The following XKR6 variants were observed in gnomAD, a reference collection of about 807,000 sequenced individuals.
XKR6 encodes XK related 6.
A neutral mutation model predicts 56.7 loss-of-function variants in XKR6; 22 were observed. The ratio of observed to expected loss-of-function variants is 0.39; its 90% CI spans 0.28 to 0.55. The LOEUF (loss-of-function observed/expected upper bound fraction) is 0.55, where lower values mean the gene tolerates loss of function less well. XKR6 is among the 20% of genes least tolerant of loss of function. The probability of loss-of-function intolerance (pLI) is 0.66; values close to 1 mark genes in which losing one functional copy is unlikely to be tolerated. For missense variants in XKR6, 852 were observed against 889.0 expected (o/e 0.96, Z 0.53); for synonymous variants, 524 against 387.8 (o/e 1.35, Z -4.13).
intron 1 of XKR6, among the ~76,000 whole-genome samples, chr8:11,037,464 A>T (rs141757338): frequency 1.2e-3 from 182 of 152,266 alleles, no homozygotes; most frequent in African/African-American, 4.2e-3. Flanking sequence ...GGATCTAGCG[A>T]TCCACCCACC....
At chr8:11,128,768 C>T (rs760165169) in intron 1 of XKR6, 259 of 446,448 alleles carry the variant, frequency 5.8e-4, no homozygotes, top group Non-Finnish European at 1.0e-3. Context: ...CTTTCCCTCA[C>T]ATCCATTATG....
At chr8:11,179,168 A>G (rs1802838093) in intron 1 of XKR6, among the ~76,000 whole-genome samples, 1 of 151,768 alleles carries the variant, frequency 6.6e-6, no homozygotes, top group African/African-American at 2.4e-5. Flanking sequence ...TCTTCTTTTA[A>G]TTCATTTTGA....
At chr8:10,930,578 T>C (rs991020993) in intron 1 of XKR6, among the ~76,000 whole-genome samples, 1 of 152,106 alleles carries the variant, frequency 6.6e-6, no homozygotes, top group African/African-American at 2.4e-5. Context: ...AATCCAGTAA[T>C]ATATGGAAAG....
chr8:10,926,540 A>T (rs1432328196), intron 1 of XKR6, among the ~76,000 whole-genome samples: 2 of 152,190 alleles, frequency 1.3e-5, no homozygotes, highest in South Asian at 2.1e-4. Context: ...TGACAACCAG[A>T]GTGAGGCTGG....
chr8:11,158,203 A>C (rs142823276), intron 1 of XKR6, among the ~76,000 whole-genome samples: 2 of 152,334 alleles, frequency 1.3e-5, no homozygotes, highest in East Asian at 3.9e-4. Flanking sequence ...GGGGAAATAC[A>C]GTGTGCAATG....
intron 1 of XKR6, among the ~76,000 whole-genome samples, chr8:11,112,722 T>C (rs982301075): frequency 3.3e-5 from 5 of 152,166 alleles, no homozygotes; most frequent in African/African-American, 1.2e-4. Context: ...GAAGCAGAAA[T>C]TATTAAGAGC....
chr8:11,051,005 G>T (rs368957253), intron 1 of XKR6, among the ~76,000 whole-genome samples: 1 of 152,038 alleles, frequency 6.6e-6, no homozygotes, highest in Non-Finnish European at 1.5e-5. Flanking sequence ...GGAGCAGAAC[G>T]TCTCAAAGAA....
At chr8:11,137,303 A>C (rs1420948107) in intron 1 of XKR6, 1 of 266,072 alleles carries the variant, frequency 3.8e-6, no homozygotes, top group Non-Finnish European at 7.3e-6. Flanking sequence ...TTTATTCAAG[A>C]AACCAATACA....
intron 1 of XKR6, among the ~76,000 whole-genome samples, chr8:11,193,731 G>T (rs1052568505): frequency 8.4e-5 from 10 of 119,640 alleles, no homozygotes; most frequent in African/African-American, 3.2e-4. Context: ...GTAATTTTAA[G>T]GTTCTGACCC....
At chr8:10,993,189 T>C (rs1448775184) in intron 1 of XKR6, among the ~76,000 whole-genome samples, 1 of 152,256 alleles carries the variant, frequency 6.6e-6, no homozygotes, top group African/African-American at 2.4e-5. Context: ...ACGCCACTTT[T>C]TGGCTGGTAG....
chr8:10,949,232 C>T (rs761871108), intron 1 of XKR6, among the ~76,000 whole-genome samples: 1 of 152,234 alleles, frequency 6.6e-6, no homozygotes, highest in Non-Finnish European at 1.5e-5. Flanking sequence ...AGATAAAGAG[C>T]GGAACAACCG....
chr8:11,186,153 TATAC>T (rs1346444138), intron 1 of XKR6, among the ~76,000 whole-genome samples: 1 of 152,092 alleles, frequency 6.6e-6, no homozygotes, highest in Non-Finnish European at 1.5e-5. Flanking sequence ...CATTTTTTTT[TATAC>T]ATACACACAC....
chr8:10,991,799 A>G (rs1321995674), intron 1 of XKR6, among the ~76,000 whole-genome samples: 3 of 152,226 alleles, frequency 2.0e-5, no homozygotes, highest in African/African-American at 7.2e-5. Context: ...TGTGTAAAAC[A>G]GCATTTTTCT....
intron 1 of XKR6, among the ~76,000 whole-genome samples, chr8:10,981,294 G>A (rs941789632): frequency 1.3e-5 from 2 of 152,186 alleles, no homozygotes; most frequent in African/African-American, 2.4e-5. Context: ...TCCCATGGCA[G>A]GATTAACTCT....
intron 1 of XKR6, among the ~76,000 whole-genome samples, chr8:11,181,301 CTT>C (rs989769120): frequency 3.9e-5 from 6 of 152,134 alleles, no homozygotes; most frequent in African/African-American, 1.2e-4. Context: ...TTCTTAAAAA[CTT>C]ATATAAGCAT....
chr8:10,960,132 A>G (rs78283312), intron 1 of XKR6, among the ~76,000 whole-genome samples: 2,827 of 152,244 alleles, frequency 0.019, 86 homozygotes, highest in African/African-American at 0.064. Context: ...AAAACATAAA[A>G]AGGTCTTTTC....
At chr8:11,141,179 G>T (rs914849642) in intron 1 of XKR6, among the ~76,000 whole-genome samples, 2 of 152,208 alleles carry the variant, frequency 1.3e-5, no homozygotes, top group Non-Finnish European at 2.9e-5. Flanking sequence ...GAAGCTGGTA[G>T]TACTAGTACT....
At chr8:10,918,287 T>A (rs529181636) in intron 2 of XKR6, among the ~76,000 whole-genome samples, 2 of 152,286 alleles carry the variant, frequency 1.3e-5, no homozygotes, top group East Asian at 3.9e-4. Context: ...TCCCCCTGAG[T>A]GCTTGGAAGA....
chr8:11,079,742 T>C lies in XKR6; in HGVS notation c.764+120834A>G, dbSNP rs147840927. Among the ~76,000 whole-genome samples, 93 of 152,320 alleles carry C rather than the reference T, an allele frequency of 6.1e-4. No individual in the cohort carries two copies. In the East Asian group the frequency reaches 0.017, roughly 28 times the overall value. On this transcript the variant is annotated intron_variant, in intron 1 of 2. Coordinates refer to ENST00000416569, the MANE Select transcript of XKR6 (RefSeq NM_173683.4). ...TGGGAGGCCAATGTGGCAAGATTGC[T>C]TAAGGCCAGGAGTTTGAGACCAGCC...
Sources: gnomAD v4.1 joint callset for allele counts (sites outside exome capture counted in the v4.1 genomes callset) on GRCh38, gnomAD v4.1.1 for gene constraint, MANE v1.5 for transcripts, NCBI Gene and HGNC (gene_info 2026-07-23, HGNC 2026-07-21) for gene names.